The following KIAA1549L variants were observed in gnomAD, a reference collection of about 807,000 sequenced individuals.
KIAA1549L encodes KIAA1549 like.
Under a neutral mutation model 160.7 loss-of-function variants are expected in KIAA1549L, and 88 were observed. That is an observed-to-expected ratio of 0.55 (90% CI 0.46 to 0.65). The LOEUF (loss-of-function observed/expected upper bound fraction) is 0.65, where lower values mean the gene tolerates loss of function less well. Ranked by LOEUF, KIAA1549L falls within the 30% of genes least tolerant of loss-of-function variation. The pLI is 0.00. For synonymous variants in KIAA1549L, 950 were observed against 976.7 expected (o/e 0.97, Z 0.51); for missense variants, 2,258 against 2,437.5 (o/e 0.93, Z 1.55).
intron 2 of KIAA1549L, 99 bp from the exon 3 acceptor site, chr11:33,544,668 T>A (rs1241217562): frequency 6.9e-7 from 1 of 1,454,148 alleles, no homozygotes; most frequent in Non-Finnish European, 9.2e-7. Flanking sequence ...TGCAGAGACT[T>A]CACCCTAGCA....
chr11:33,543,593 A>G lies in KIAA1549L; in HGVS notation c.2030A>G (p.Asp677Gly). 2 of 1,613,978 alleles carry G rather than the reference A, an allele frequency of 1.2e-6. No individual in the cohort carries two copies. The highest frequency in any genetic ancestry group is 2.2e-5 in the South Asian group (2 of 91,078). Residue 677 changes from aspartate (D) to glycine (G), a missense_variant, in exon 2 of 21, where the codon GAT becomes GGT. Physicochemically the swap from Asp to Gly is moderately conservative, Grantham distance 94. Transcript: ENST00000658780. ...KQVRASPSSM[D>G]VYDSLTIGDM... Reference sequence around the variant, plus strand: ...GTGAGAGCATCGCCCTCCTCCATGGATGTATATGATTCCTTAACAATAGGA... The same window carrying G: ...GTGAGAGCATCGCCCTCCTCCATGGGTGTATATGATTCCTTAACAATAGGA...
chr11:33,653,265 G>A (rs921557978), intron 17 of KIAA1549L, among the ~76,000 whole-genome samples: 88 of 152,320 alleles, frequency 5.8e-4, no homozygotes, highest in African/African-American at 1.9e-3. Flanking sequence ...TGCTGTCTTA[G>A]CATACATTGT....
chr11:33,601,370 T>G (rs1432394933), intron 13 of KIAA1549L, among the ~76,000 whole-genome samples: 1 of 152,140 alleles, frequency 6.6e-6, no homozygotes, highest in Non-Finnish European at 1.5e-5. Flanking sequence ...AAACATACAC[T>G]TGTTGTTTTT....
rs576202758 is a variant in KIAA1549L at position 33,652,910 on chromosome 11, T to G, written c.5761-3102T>G. 4.6e-5 allele frequency among the ~76,000 whole-genome samples: 7 copies of G among 152,316 alleles called. No individual in the cohort carries two copies. In the South Asian group the frequency reaches 1.5e-3, roughly 32 times the overall value. On this transcript the variant is annotated intron_variant, in intron 17 of 20. Transcript: ENST00000658780. ...GAGAAGCCCTGCTTTCGTCTGTCTA[T>G]GTATTAGGGTCTGCTGGAATGGTGT...
intron 1 of KIAA1549L, among the ~76,000 whole-genome samples, chr11:33,379,785 CAG>C (rs1590209324): frequency 6.6e-6 from 1 of 152,306 alleles, no homozygotes; most frequent in East Asian, 1.9e-4. Flanking sequence ...GTGTTTCAAA[CAG>C]TGCTTGGTAT....
chr11:33,433,585 C>T (rs999254240), intron 1 of KIAA1549L, among the ~76,000 whole-genome samples: 2 of 152,202 alleles, frequency 1.3e-5, no homozygotes, highest in Non-Finnish European at 2.9e-5. Context: ...AATCCCATTA[C>T]TGGATATATA....
At chr11:33,567,267 T>G (rs913986987) in intron 8 of KIAA1549L, among the ~76,000 whole-genome samples, 2 of 152,244 alleles carry the variant, frequency 1.3e-5, no homozygotes, top group African/African-American at 4.8e-5. Flanking sequence ...TAAGCTGCTT[T>G]ACATATCCTG....
intron 14 of KIAA1549L, among the ~76,000 whole-genome samples, chr11:33,608,768 A>G (rs1850572119): frequency 6.6e-6 from 1 of 152,232 alleles, no homozygotes; most frequent in African/African-American, 2.4e-5. Context: ...TAGTTAAAGG[A>G]ATGGACCTTG....
chr11:33,499,823 G>A (rs1565160113), intron 1 of KIAA1549L, among the ~76,000 whole-genome samples: 1 of 152,184 alleles, frequency 6.6e-6, no homozygotes. Context: ...CAGCCCTATG[G>A]TAGTGATAGT....
chr11:33,399,817 G>A (rs1850462062), intron 1 of KIAA1549L, among the ~76,000 whole-genome samples: 2 of 152,182 alleles, frequency 1.3e-5, no homozygotes, highest in African/African-American at 2.4e-5. Context: ...TCAGAAGGAC[G>A]AAGATGAAGA....
chr11:33,543,582 C>T lies in KIAA1549L; in HGVS notation c.2019C>T (p.Pro673=). The T allele has an allele frequency of 1.2e-6, 2 of 1,614,034 alleles. No individual in the cohort carries two copies. The highest frequency in any genetic ancestry group is 1.1e-5 in the South Asian group (1 of 91,084). Residue 673 remains proline (P), a synonymous_variant, in exon 2 of 21, where the codon CCC becomes CCT. Coordinates refer to ENST00000658780, the MANE Select transcript of KIAA1549L (RefSeq NM_012194.3). Reference sequence around the variant, plus strand: ...CTTCCAAACAGGTGAGAGCATCGCCCTCCTCCATGGATGTATATGATTCCT... The same window carrying T: ...CTTCCAAACAGGTGAGAGCATCGCCTTCCTCCATGGATGTATATGATTCCT... ...ASASKQVRAS[P]SSMDVYDSLT... is the part of the protein sequence containing the mutation.
chr11:33,449,555 G>A (rs1040906789), intron 1 of KIAA1549L, among the ~76,000 whole-genome samples: 1 of 152,148 alleles, frequency 6.6e-6, no homozygotes, highest in Non-Finnish European at 1.5e-5. Flanking sequence ...GTGACTCTCT[G>A]TTGTTGGTAG....
At chr11:33,535,969 A>G (rs921800460) in intron 1 of KIAA1549L, among the ~76,000 whole-genome samples, 1 of 152,248 alleles carries the variant, frequency 6.6e-6, no homozygotes, top group Non-Finnish European at 1.5e-5. Context: ...TCCATAATGC[A>G]ACTTTAATTA....
intron 1 of KIAA1549L, among the ~76,000 whole-genome samples, chr11:33,528,467 C>T (rs776548229): frequency 1.2e-4 from 19 of 152,278 alleles, no homozygotes; most frequent in Non-Finnish European, 2.4e-4. Flanking sequence ...CCAGCAATCC[C>T]GCTACTGGGT....
chr11:33,520,619 A>C lies in KIAA1549L; in HGVS notation c.239-21183A>C, dbSNP rs185842508. 4.1e-3 allele frequency among the ~76,000 whole-genome samples: 629 copies of C among 151,832 alleles called. 5 individuals are homozygous for C. Among genetic ancestry groups the C allele is most frequent in the Non-Finnish European group, 7.1e-3 (480 of 67,966 alleles). Reference sequence around the variant, plus strand: ...TTTAGAAAACAAAGGAAATATTGACACTAAAATGGAGGATTATCCATTAGA... The same window carrying C: ...TTTAGAAAACAAAGGAAATATTGACCCTAAAATGGAGGATTATCCATTAGA... On this transcript the variant is annotated intron_variant, in intron 1 of 20. Coordinates refer to ENST00000658780, the MANE Select transcript of KIAA1549L (RefSeq NM_012194.3).
chr11:33,648,782 A>G, intron 17 of KIAA1549L, among the ~76,000 whole-genome samples: 1 of 152,112 alleles, frequency 6.6e-6, no homozygotes, highest in East Asian at 2.0e-4. Context: ...AAAACATCCT[A>G]CAGCCTTCCT....
intron 20 of KIAA1549L, 77 bp downstream of exon 20, chr11:33,661,091 A>C: frequency 7.1e-7 from 1 of 1,404,124 alleles, no homozygotes; most frequent in Non-Finnish European, 9.6e-7. Context: ...TAAAAGGTTG[A>C]GACTGAAGGT....
chr11:33,654,281 A>G (rs1373850396), intron 17 of KIAA1549L, among the ~76,000 whole-genome samples: 1 of 152,120 alleles, frequency 6.6e-6, no homozygotes, highest in Non-Finnish European at 1.5e-5. Flanking sequence ...CTGGTCAACT[A>G]TTTCTTAAAA....
chr11:33,655,543 G>C (rs752742382), intron 17 of KIAA1549L, among the ~76,000 whole-genome samples: 3 of 152,186 alleles, frequency 2.0e-5, no homozygotes, highest in Non-Finnish European at 4.4e-5. Context: ...CAGGTATAAG[G>C]ATATCTCTGA....
Sources: gnomAD v4.1 joint callset for allele counts (sites outside exome capture counted in the v4.1 genomes callset) on GRCh38, gnomAD v4.1.1 for gene constraint, MANE v1.5 for transcripts, NCBI Gene and HGNC (gene_info 2026-07-23, HGNC 2026-07-21) for gene names.